Variants in R3HDM1 observed in about 807,000 individuals in gnomAD.
R3HDM1 encodes R3H domain containing 1.
In R3HDM1, 46 loss-of-function variants were observed where a neutral mutation model predicts 141.1. The ratio of observed to expected loss-of-function variants is 0.33; its 90% CI spans 0.26 to 0.42. The LOEUF (loss-of-function observed/expected upper bound fraction) is 0.42, where lower values mean the gene tolerates loss of function less well. R3HDM1 is among the 10% of genes least tolerant of loss of function. The pLI is 1.00. For missense variants in R3HDM1, 1,184 were observed against 1,368.3 expected, an observed-to-expected ratio of 0.87 and a Z score of 2.12; for synonymous variants, 435 against 472.9, an observed-to-expected ratio of 0.92 and a Z score of 1.04.
At chr2:135,618,132 A>C (rs1334666307) in intron 5 of R3HDM1, among the ~76,000 whole-genome samples, 1 of 151,998 alleles carries the variant, frequency 6.6e-6, no homozygotes, top group African/African-American at 2.4e-5. Flanking sequence ...ATTTCTTTGC[A>C]TCAGAAACAT....
In R3HDM1 at chr2:135,601,620, T is replaced by C. The variant is rs182080279; in HGVS notation, c.-249-880T>C. 4.6e-3 allele frequency among the ~76,000 whole-genome samples: 695 copies of C among 152,336 alleles called. 1 individual carries two copies. The highest frequency in any genetic ancestry group is 0.015 in the South Asian group (71 of 4,824). On this transcript the variant is annotated intron_variant, in intron 1 of 26. Transcript: ENST00000683871. ...GCTATATTCATTCATACCGAATAAA[T>C]ATAAAATAAAACCGACTTCAAAAAT...
chr2:135,598,657 A>T (rs2053737), intron 1 of R3HDM1, among the ~76,000 whole-genome samples: 13,926 of 152,232 alleles, frequency 0.091, 870 homozygotes, highest in South Asian at 0.31. Context: ...AATCTGTTGT[A>T]GGACAGAGTG....
intron 9 of R3HDM1, among the ~76,000 whole-genome samples, chr2:135,635,269 G>A (rs2063144673): frequency 6.6e-6 from 1 of 152,188 alleles, no homozygotes; most frequent in Admixed American, 6.5e-5. Context: ...AGGTACCATA[G>A]GAGTAGCATA....
At chr2:135,637,344 C>G (rs1245303239) in intron 11 of R3HDM1, among the ~76,000 whole-genome samples, 1 of 152,054 alleles carries the variant, frequency 6.6e-6, no homozygotes, top group African/African-American at 2.4e-5. Flanking sequence ...GAACTTGACA[C>G]ACTTTAGGAA....
At chr2:135,673,180 G>A (rs1049235269) in intron 19 of R3HDM1, among the ~76,000 whole-genome samples, 1 of 152,188 alleles carries the variant, frequency 6.6e-6, no homozygotes, top group Non-Finnish European at 1.5e-5. Context: ...AGGCATGGTG[G>A]TGCACACCCG....
rs191398858 is a variant in R3HDM1 at position 135,590,458 on chromosome 2, A to G, written c.-249-12042A>G. ...TTGAGCTCCAATGAGACAATTGTAA[A>G]GAAACCCATGGGTTAAATATGAATA... On this transcript the variant is annotated intron_variant, in intron 1 of 26. Transcript: ENST00000683871. 2.7e-5 allele frequency: 21 copies of G among 769,686 alleles called. No homozygotes were observed. The East Asian group carries it at 2.0e-3, about 75-fold the overall frequency. The allele number at this position is 769,686 out of a possible 1,614,324, so 47.7% of individuals were successfully genotyped here.
At chr2:135,674,940 T>TG (rs1260640899) in intron 19 of R3HDM1, among the ~76,000 whole-genome samples, 4 of 141,488 alleles carry the variant, frequency 2.8e-5, no homozygotes, top group African/African-American at 8.5e-5. Flanking sequence ...TAGTTGTTGT[T>TG]TTTTTTTTTT....
chr2:135,673,144 A>G (rs1401379837), intron 19 of R3HDM1, among the ~76,000 whole-genome samples: 2 of 152,106 alleles, frequency 1.3e-5, no homozygotes, highest in Non-Finnish European at 2.9e-5. Flanking sequence ...TTGGAAATTT[A>G]CTCATGCAGC....
chr2:135,544,973 G>C (rs1428987411), intron 1 of R3HDM1, among the ~76,000 whole-genome samples: 1 of 152,030 alleles, frequency 6.6e-6, no homozygotes, highest in Non-Finnish European at 1.5e-5. Context: ...TAAAAAAAAA[G>C]AGCATAGTGC....
chr2:135,548,209 A>G (rs1699139014), intron 1 of R3HDM1, among the ~76,000 whole-genome samples: 1 of 152,110 alleles, frequency 6.6e-6, no homozygotes, highest in South Asian at 2.1e-4. Context: ...CCAATCTGAT[A>G]TTTCATTTTA....
Position 135,655,542 on chromosome 2 carries a change from TG to T in R3HDM1, c.2028+3511del, listed in dbSNP as rs764243116. 7.8e-4 allele frequency among the ~76,000 whole-genome samples: 119 copies of T among 152,148 alleles called. 1 individual carries two copies. Among genetic ancestry groups the T allele is most frequent in the Non-Finnish European group, 1.2e-3 (84 of 68,004 alleles). The stretch of plus-strand genomic sequence containing the variant: ...TTGTTTTTGAGATGGAGTCTTGCTC[TG>T]TCACCCAGGCTGGAGTGCAGTGGCG... On this transcript the variant is annotated intron_variant, in intron 18 of 26. Transcript: ENST00000683871.
chr2:135,551,914 A>C (rs1465608381), intron 1 of R3HDM1, among the ~76,000 whole-genome samples: 1 of 152,242 alleles, frequency 6.6e-6, no homozygotes, highest in East Asian at 1.9e-4. Flanking sequence ...TATGAAAATG[A>C]TAGTTCATTT....
At chr2:135,649,175 C>G (rs2064842229) in intron 16 of R3HDM1, 1 of 151,906 alleles carries the variant, frequency 6.6e-6, no homozygotes. Flanking sequence ...ACGCCATTCT[C>G]CTGTCTCAGC....
At chr2:135,651,677 A>G in intron 17 of R3HDM1, 53 bp from the exon 18 acceptor site, 1 of 1,518,032 alleles carries the variant, frequency 6.6e-7, no homozygotes, top group African/African-American at 1.4e-5. Context: ...TTCTTTGATA[A>G]GTTTGGCCTA....
intron 1 of R3HDM1, chr2:135,586,990 G>T (rs904633045): frequency 8.1e-6 from 8 of 984,824 alleles, no homozygotes; most frequent in South Asian, 4.7e-5. Flanking sequence ...AAAACTCATG[G>T]TAACGGTTTT....
chr2:135,590,829 C>G, intron 1 of R3HDM1: 1 of 703,532 alleles, frequency 1.4e-6, no homozygotes, highest in Non-Finnish European at 1.7e-6. Flanking sequence ...TGTTCTGCCT[C>G]AAGCTGTTTT....
chr2:135,571,605 C>T (rs948909621), intron 1 of R3HDM1, among the ~76,000 whole-genome samples: 2 of 151,508 alleles, frequency 1.3e-5, no homozygotes, highest in African/African-American at 2.4e-5. Flanking sequence ...GGATTACAGA[C>T]GTGAGCCACT....
chr2:135,663,837 G>A (rs1275430993), intron 19 of R3HDM1, among the ~76,000 whole-genome samples: 1 of 152,052 alleles, frequency 6.6e-6, no homozygotes, highest in African/African-American at 2.4e-5. Flanking sequence ...GACCAGCCTG[G>A]CCAACATTGT....
At chr2:135,603,393 A>G (rs1027364023) in intron 2 of R3HDM1, among the ~76,000 whole-genome samples, 1 of 152,158 alleles carries the variant, frequency 6.6e-6, no homozygotes, top group Non-Finnish European at 1.5e-5. Flanking sequence ...CCCCCGCCAC[A>G]AGATTTTATT....
Sources: gnomAD v4.1 joint callset for allele counts (sites outside exome capture counted in the v4.1 genomes callset) on GRCh38, gnomAD v4.1.1 for gene constraint, MANE v1.5 for transcripts, NCBI Gene and HGNC (gene_info 2026-07-23, HGNC 2026-07-21) for gene names.